Variants in ZFPM2 observed in about 807,000 individuals in gnomAD.
ZFPM2 encodes the protein zinc finger protein, FOG family member 2, also known as zinc finger protein ZFPM2.
In ZFPM2, 20 loss-of-function variants were observed where a neutral mutation model predicts 98.6. That is an observed-to-expected ratio of 0.20 (90% CI 0.14 to 0.29). The LOEUF is 0.29. Among genes scored for constraint, ZFPM2 ranks in the 10% least tolerant of loss-of-function variants. The pLI, the probability that ZFPM2 is intolerant of heterozygous loss-of-function variation, is 1.00. For synonymous variants in ZFPM2, 518 were observed against 502.7 expected (o/e 1.03, Z -0.41); for missense variants, 1,310 against 1,388.6 (o/e 0.94, Z 0.90).
chr8:105,617,010 ACT>A (rs1488831367), intron 4 of ZFPM2, among the ~76,000 whole-genome samples: 4 of 113,692 alleles, frequency 3.5e-5, no homozygotes, highest in Admixed American at 1.2e-4. Context: ...ACTGAGCAAG[ACT>A]CTGTCTCGAA....
At chr8:105,455,601 AAG>A (rs1396421717) in intron 3 of ZFPM2, among the ~76,000 whole-genome samples, 2 of 151,868 alleles carry the variant, frequency 1.3e-5, no homozygotes, top group African/African-American at 4.8e-5. Flanking sequence ...AGAATAAAAA[AAG>A]AAACGACTCT....
intron 1 of ZFPM2, among the ~76,000 whole-genome samples, chr8:105,369,788 T>C (rs1432104718): frequency 2.0e-5 from 3 of 152,260 alleles, no homozygotes; most frequent in Non-Finnish European, 4.4e-5. Flanking sequence ...ACCTATACTA[T>C]GTAGTTTATG....
At position 105,801,950 on chromosome 8, in the gene ZFPM2, C is replaced by T. The variant is rs975845598; in HGVS notation, c.1868C>T (p.Thr623Ile). ...GATCCTGAGAATCCACTTCTTCAAA[C>T]ATCTTGCATCAATTCTTCCACTGTC... ...SADPENPLLQ[T>I]SCINSSTVLD... Residue 623 changes from threonine (T) to isoleucine (I), a missense_variant, in exon 8 of 8, where the codon ACA (threonine) becomes ATA (isoleucine). Transcript: ENST00000407775. 1.9e-6 allele frequency: 3 copies of T among 1,613,906 alleles called. No homozygotes were observed. The highest frequency in any genetic ancestry group is 2.2e-5 in the East Asian group (1 of 44,870).
intron 5 of ZFPM2, among the ~76,000 whole-genome samples, chr8:105,681,750 T>C (rs1810608593): frequency 6.6e-6 from 1 of 152,170 alleles, no homozygotes; most frequent in Non-Finnish European, 1.5e-5. Flanking sequence ...AATATACTTA[T>C]AAATTACTAT....
At chr8:105,516,462 C>A (rs1563694758) in intron 3 of ZFPM2, among the ~76,000 whole-genome samples, 2 of 152,098 alleles carry the variant, frequency 1.3e-5, no homozygotes, top group Non-Finnish European at 2.9e-5. Flanking sequence ...AAATTATGTT[C>A]TTATCTGGAT....
chr8:105,734,280 T>C (rs1812017624), intron 5 of ZFPM2, among the ~76,000 whole-genome samples: 1 of 151,982 alleles, frequency 6.6e-6, no homozygotes, highest in African/African-American at 2.4e-5. Flanking sequence ...TGAGCCATTT[T>C]ATTTAACTGT....
At chr8:105,470,966 C>T (rs1812891574) in intron 3 of ZFPM2, among the ~76,000 whole-genome samples, 1 of 151,684 alleles carries the variant, frequency 6.6e-6, no homozygotes, top group South Asian at 2.1e-4. Flanking sequence ...GCTGACATTT[C>T]AAAAAAAATG....
intron 5 of ZFPM2, among the ~76,000 whole-genome samples, chr8:105,701,588 A>AT (rs1236382109): frequency 1.3e-5 from 2 of 152,262 alleles, no homozygotes; most frequent in African/African-American, 4.8e-5. Context: ...AATATGTGCC[A>AT]TGCCATCTTC....
intron 3 of ZFPM2, among the ~76,000 whole-genome samples, chr8:105,459,554 C>T (rs1032219819): frequency 3.3e-5 from 5 of 152,068 alleles, no homozygotes; most frequent in African/African-American, 1.2e-4. Context: ...AATTTTTTTC[C>T]TCATGGTTTT....
At chr8:105,397,168 A>G (rs556387414) in intron 1 of ZFPM2, among the ~76,000 whole-genome samples, 2 of 152,180 alleles carry the variant, frequency 1.3e-5, no homozygotes, top group East Asian at 3.9e-4. Flanking sequence ...ATCATATCTT[A>G]TCTCTTTCAG....
At chr8:105,344,141 A>G (rs1812477114) in intron 1 of ZFPM2, among the ~76,000 whole-genome samples, 2 of 152,140 alleles carry the variant, frequency 1.3e-5, no homozygotes, top group Admixed American at 1.3e-4. Context: ...CCCATGATCC[A>G]ATTACCTCTC....
chr8:105,752,151 T>A (rs897610219), intron 5 of ZFPM2, among the ~76,000 whole-genome samples: 1 of 152,150 alleles, frequency 6.6e-6, no homozygotes. Flanking sequence ...GTATTCATAA[T>A]GTACTGCTCA....
chr8:105,738,430 A>G (rs754251201), intron 5 of ZFPM2, among the ~76,000 whole-genome samples: 3 of 152,042 alleles, frequency 2.0e-5, no homozygotes, highest in Non-Finnish European at 4.4e-5. Context: ...ACTCATGGAC[A>G]TTTAGGTTGA....
intron 3 of ZFPM2, among the ~76,000 whole-genome samples, chr8:105,484,003 G>A (rs1813178202): frequency 1.3e-5 from 2 of 151,754 alleles, no homozygotes; most frequent in South Asian, 4.2e-4. Flanking sequence ...CAAGGTGCTG[G>A]GATTACAGGT....
At chr8:105,343,258 A>G (rs1181181729) in intron 1 of ZFPM2, among the ~76,000 whole-genome samples, 1 of 152,154 alleles carries the variant, frequency 6.6e-6, no homozygotes, top group Non-Finnish European at 1.5e-5. Flanking sequence ...TGGAAGTTGC[A>G]TTCCAGAACC....
In ZFPM2 at chr8:105,802,476, C is replaced by G. The variant is rs1468125640; in HGVS notation, c.2394C>G (p.His798Gln). The G allele has an allele frequency of 1.9e-6, 3 of 1,613,238 alleles. No homozygotes were observed. Among genetic ancestry groups the G allele is most frequent in the Non-Finnish European group, 2.5e-6 (3 of 1,179,660 alleles). Reference sequence around the variant, plus strand: ...TCTTTCCAGGAATTGTCTCTAAACACTTGGAAACTTCTCTGACGATCAACA... The same window carrying G: ...TCTTTCCAGGAATTGTCTCTAAACAGTTGGAAACTTCTCTGACGATCAACA... ...CDIFPGIVSK[H>Q]LETSLTINKC... The change falls in exon 8 of 8, where the codon CAC becomes CAG. Residue 798 changes from histidine to glutamine, a missense_variant. His to Gln is a conservative substitution (Grantham distance 24). Coordinates refer to ENST00000407775, the MANE Select transcript of ZFPM2 (RefSeq NM_012082.4).
At chr8:105,619,461 TATAA>T (rs1816488014) in intron 4 of ZFPM2, among the ~76,000 whole-genome samples, 1 of 152,120 alleles carries the variant, frequency 6.6e-6, no homozygotes. Flanking sequence ...GTAGATAACC[TATAA>T]ATGTTACTGA....
chr8:105,438,276 C>G (rs190805240), intron 2 of ZFPM2, among the ~76,000 whole-genome samples: 2 of 152,256 alleles, frequency 1.3e-5, no homozygotes, highest in Non-Finnish European at 2.9e-5. Context: ...GCTTGCAGCT[C>G]CCTATCAATC....
Position 105,801,263 on chromosome 8 carries a change from A to G in ZFPM2, c.1181A>G (p.Glu394Gly), listed in dbSNP as rs1229864072. ...GTCCCTAGCGGCAAACTTCCCAGAG[A>G]AAGTGACATGGAACACTCTCCAAGT... Reference protein sequence around the residue: ...LHVPSGKLPRESDMEHSPSAT... With the variant: ...LHVPSGKLPRGSDMEHSPSAT... Residue 394 changes from glutamate to glycine, a missense_variant, in exon 8 of 8, where the codon GAA (glutamate) becomes GGA (glycine). Physicochemically the swap from Glu to Gly is moderately conservative, Grantham distance 98. Transcript: ENST00000407775. 1 of 1,613,810 alleles carries G rather than the reference A, an allele frequency of 6.2e-7. No homozygotes were observed. Among genetic ancestry groups the G allele is most frequent in the East Asian group, 2.2e-5 (1 of 44,870 alleles).
Sources: gnomAD v4.1 joint callset for allele counts (sites outside exome capture counted in the v4.1 genomes callset) on GRCh38, gnomAD v4.1.1 for gene constraint, MANE v1.5 for transcripts, NCBI Gene and HGNC (gene_info 2026-07-23, HGNC 2026-07-21) for gene names.